Variants in TLR4 observed in about 807,000 individuals in gnomAD.
The protein encoded by TLR4 is toll like receptor 4, also known as toll-like receptor 4.
Under a neutral mutation model 27.4 loss-of-function variants are expected in TLR4, and 17 were observed. The ratio of observed to expected loss-of-function variants is 0.62; its 90% CI spans 0.42 to 0.93. The LOEUF (loss-of-function observed/expected upper bound fraction) is 0.93, where lower values mean the gene tolerates loss of function less well. TLR4 is among the 40% of genes least tolerant of loss of function. The probability of loss-of-function intolerance (pLI) is 0.00; values close to 1 mark genes in which losing one functional copy is unlikely to be tolerated. For synonymous variants in TLR4, 363 were observed against 365.7 expected (o/e 0.99, Z 0.08); for missense variants, 926 against 962.3 (o/e 0.96, Z 0.50).
At chr9:117,711,541 A>G (rs931600645) in intron 2 of TLR4, among the ~76,000 whole-genome samples, 1 of 152,140 alleles carries the variant, frequency 6.6e-6, no homozygotes, top group African/African-American at 2.4e-5. Flanking sequence ...CCACAACTCC[A>G]TATTGTACAC....
chr9:117,710,694 C>T (rs1453747026), intron 2 of TLR4, among the ~76,000 whole-genome samples: 1 of 152,020 alleles, frequency 6.6e-6, no homozygotes, highest in Non-Finnish European at 1.5e-5. Flanking sequence ...CTCAACTAGT[C>T]TTGTAAGAAT....
rs1184595819 is a variant in TLR4 at position 117,722,336 on chromosome 9, G to A, written c.*7688G>A. ...TTCCTTATCGTTGAGGGGAATTGGG[G>A]AAGTGATCACTGACGGTTGAAATTC... On this transcript the variant is annotated 3_prime_UTR_variant, in exon 3 of 3. Transcript: ENST00000355622. 1.3e-5 allele frequency: 2 copies of A among 152,148 alleles called. No homozygotes were observed. Among genetic ancestry groups the A allele is most frequent in the Non-Finnish European group, 1.5e-5 (1 of 68,040 alleles). The allele number at this position is 152,148 out of a possible 1,614,324, so 9.4% of individuals were successfully genotyped here.
Position 117,717,864 on chromosome 9 carries a change from T to A in TLR4, c.*3216T>A, listed in dbSNP as rs907530362. ...GAAATTCTAGAAATGGCAGGTGAGG[T>A]GGACAAGCAGGGAAAGAAATTATAT... is the stretch of plus-strand genomic sequence containing the variant. On this transcript the variant is annotated 3_prime_UTR_variant, in exon 3 of 3. Coordinates refer to ENST00000355622, the MANE Select transcript of TLR4 (RefSeq NM_138554.5). 4 of 151,952 alleles carry A rather than the reference T, an allele frequency of 2.6e-5. No individual in the cohort carries two copies. The highest frequency in any genetic ancestry group is 2.6e-4 in the Admixed American group (4 of 15,248). The allele number at this position is 151,952 out of a possible 1,614,324, so 9.4% of individuals were successfully genotyped here.
chr9:117,712,657 C>T lies in TLR4; in HGVS notation c.529C>T (p.Leu177=), dbSNP rs1334268501. ...TGAGTATTTTTCTAATCTGACCAAT[C>T]TAGAGCACTTGGACCTTTCCAGCAA... ...LPEYFSNLTN[L]EHLDLSSNKI... Residue 177 remains leucine (L), a synonymous_variant, in exon 3 of 3, where the codon CTA becomes TTA. Coordinates refer to ENST00000355622, the MANE Select transcript of TLR4 (RefSeq NM_138554.5). The T allele has an allele frequency of 1.9e-6, 3 of 1,613,532 alleles. No individual in the cohort carries two copies. In the African/African-American group the frequency reaches 4.0e-5, roughly 22 times the overall value.
In TLR4 at chr9:117,712,688, T is replaced by G. The variant is rs759469467; in HGVS notation, c.560T>G (p.Ile187Ser). 6.2e-7 allele frequency: 1 copy of G among 1,614,110 alleles called. No homozygotes were observed. Among genetic ancestry groups the G allele is most frequent in the Non-Finnish European group, 8.5e-7 (1 of 1,180,008 alleles). ...CACTTGGACCTTTCCAGCAACAAGATTCAAAGTATTTATTGCACAGACTTG... is the reference window on the plus strand; with the variant it reads ...CACTTGGACCTTTCCAGCAACAAGAGTCAAAGTATTTATTGCACAGACTTG... ...LEHLDLSSNK[I>S]QSIYCTDLRV... is the part of the protein sequence containing the mutation. The change falls in exon 3 of 3, where the codon ATT becomes AGT. Residue 187 changes from isoleucine (I) to serine (S), a missense_variant. Coordinates refer to ENST00000355622, the MANE Select transcript of TLR4 (RefSeq NM_138554.5).
At chr9:117,712,045 T>G (rs1015089447) in intron 2 of TLR4, among the ~76,000 whole-genome samples, 3 of 152,210 alleles carry the variant, frequency 2.0e-5, no homozygotes, top group Non-Finnish European at 4.4e-5. Flanking sequence ...ATGGCTAAAC[T>G]TGATCCAAGG....
At position 117,714,563 on chromosome 9, in the gene TLR4, G is replaced by T. The variant is rs1485409602; in HGVS notation, c.2435G>T (p.Arg812Ile). 6.2e-7 allele frequency: 1 copy of T among 1,613,924 alleles called. No individual in the cohort carries two copies. Among genetic ancestry groups the T allele is most frequent in the Admixed American group, 1.7e-5 (1 of 60,022 alleles). The change falls in exon 3 of 3, where the codon AGA (arginine) becomes ATA (isoleucine). Residue 812 changes from arginine (R) to isoleucine (I), a missense_variant. Transcript: ENST00000355622. ...LGRHIFWRRL[R>I]KALLDGKSWN... ...CGGCACATCTTCTGGAGACGACTCA[G>T]AAAAGCCCTGCTGGATGGTAAATCA...
chr9:117,722,829 T>C lies in TLR4; in HGVS notation c.*8181T>C, dbSNP rs375650266. On this transcript the variant is annotated 3_prime_UTR_variant, in exon 3 of 3. Coordinates refer to ENST00000355622, the MANE Select transcript of TLR4 (RefSeq NM_138554.5). ...TGATTTTATGTGGTTGACAGATGAA[T>C]GTATTACCTTTAGTGGTTATATGTT... 4.3e-4 allele frequency: 66 copies of C among 152,326 alleles called. No homozygotes were observed. The highest frequency in any genetic ancestry group is 1.5e-3 in the African/African-American group (64 of 41,566). 9.4% of individuals were successfully genotyped at this position (152,326 alleles called of 1,614,324 possible).
In TLR4 at chr9:117,714,015, G is replaced by T. The variant is rs764038757; in HGVS notation, c.1887G>T (p.Met629Ile). ...TGAGTTTGAATATCACCTGTCAGAT[G>T]AATAAGACCATCATTGGTGTGTCGG... is the stretch of plus-strand genomic sequence containing the variant. ...PVLSLNITCQ[M>I]NKTIIGVSVL... The change falls in exon 3 of 3, where the codon ATG becomes ATT. Residue 629 changes from methionine to isoleucine, a missense_variant. Met to Ile is a conservative substitution (Grantham distance 10). Transcript: ENST00000355622. 1.2e-5 allele frequency: 20 copies of T among 1,613,818 alleles called. No homozygotes were observed. Among genetic ancestry groups the T allele is most frequent in the African/African-American group, 5.3e-5 (4 of 74,918 alleles).
intron 2 of TLR4, among the ~76,000 whole-genome samples, chr9:117,709,528 T>C (rs1829195348): frequency 2.0e-5 from 3 of 152,266 alleles, no homozygotes; most frequent in Admixed American, 2.0e-4. Flanking sequence ...AGGTGAAATG[T>C]CATCTTGATA....
Position 117,713,315 on chromosome 9 carries a change from T to C in TLR4, c.1187T>C (p.Phe396Ser). ...AAAGGTTGCTGTTCTCAAAGTGATT[T>C]TGGGACAACCAGCCTAAAGTATTTA... is the stretch of plus-strand genomic sequence containing the variant. ...SFKGCCSQSDFGTTSLKYLDL... is the reference protein window; with the variant it reads ...SFKGCCSQSDSGTTSLKYLDL... Residue 396 changes from phenylalanine (F) to serine (S), a missense_variant, in exon 3 of 3, where the codon TTT (phenylalanine) becomes TCT (serine). By Grantham distance (155) the Phe-to-Ser change is radical. Coordinates refer to ENST00000355622, the MANE Select transcript of TLR4 (RefSeq NM_138554.5). 1 of 1,614,016 alleles carries C rather than the reference T, an allele frequency of 6.2e-7. No individual in the cohort carries two copies. The highest frequency in any genetic ancestry group is 8.5e-7 in the Non-Finnish European group (1 of 1,180,006).
chr9:117,710,944 C>T (rs573170222), intron 2 of TLR4, among the ~76,000 whole-genome samples: 1 of 152,268 alleles, frequency 6.6e-6, no homozygotes, highest in African/African-American at 2.4e-5. Flanking sequence ...AGAGACACAG[C>T]AAGACCCTTT....
rs975383786 is a variant in TLR4 at position 117,721,651 on chromosome 9, T to C, written c.*7003T>C. 6.6e-6 allele frequency: 1 copy of C among 152,242 alleles called. No homozygotes were observed. The highest frequency in any genetic ancestry group is 2.4e-5 in the African/African-American group (1 of 41,462). The allele number at this position is 152,242 out of a possible 1,614,324, so 9.4% of individuals were successfully genotyped here. A position where few individuals can be genotyped will look rare whatever the true frequency, so the allele number is the denominator to read the frequency against. ...AGGTACTAATTATCTATCTTTATGA[T>C]CTTTATTGCTAGAAATTCTGGTTCA... On this transcript the variant is annotated 3_prime_UTR_variant, in exon 3 of 3. Transcript: ENST00000355622.
rs966470022 is a variant in TLR4 at position 117,716,253 on chromosome 9, A to T, written c.*1605A>T. 1 of 152,150 alleles carries T rather than the reference A, an allele frequency of 6.6e-6. No homozygotes were observed. Among genetic ancestry groups the T allele is most frequent in the African/African-American group, 2.4e-5 (1 of 41,444 alleles). The allele number at this position is 152,150 out of a possible 1,614,324, so 9.4% of individuals were successfully genotyped here. On this transcript the variant is annotated 3_prime_UTR_variant, in exon 3 of 3. Transcript: ENST00000355622. ...ATCAGAATTTCAAGAAAATATTTAC[A>T]CTCCCATGTTCATTGTGGCACTCTT...
Position 117,714,718 on chromosome 9 carries a change from T to A in TLR4, c.*70T>A. On this transcript the variant is annotated 3_prime_UTR_variant, in exon 3 of 3. Transcript: ENST00000355622. ...GTCCAACACTTGTTCAGTTAATAAG[T>A]ATTAAATGCTGCCACATGTCAGGCC... is the stretch of plus-strand genomic sequence containing the variant. The A allele has an allele frequency of 7.5e-7, 1 of 1,331,466 alleles. No homozygotes were observed. Among genetic ancestry groups the A allele is most frequent in the Non-Finnish European group, 1.1e-6 (1 of 935,302 alleles). 82.5% of individuals were successfully genotyped at this position (1,331,466 alleles called of 1,614,324 possible).
chr9:117,705,747 A>G (rs984802425), intron 1 of TLR4, among the ~76,000 whole-genome samples: 1 of 152,054 alleles, frequency 6.6e-6, no homozygotes, highest in Non-Finnish European at 1.5e-5. Context: ...TTTGTTATGT[A>G]CTTGCATTTG....
chr9:117,719,208 T>A lies in TLR4; in HGVS notation c.*4560T>A, dbSNP rs1036648841. 12 of 152,138 alleles carry A rather than the reference T, an allele frequency of 7.9e-5. No homozygotes were observed. Among genetic ancestry groups the A allele is most frequent in the African/African-American group, 2.9e-4 (12 of 41,420 alleles). The allele number at this position is 152,138 out of a possible 1,614,324, so 9.4% of individuals were successfully genotyped here. A position where few individuals can be genotyped will look rare whatever the true frequency, so the allele number is the denominator to read the frequency against. On this transcript the variant is annotated 3_prime_UTR_variant, in exon 3 of 3. Coordinates refer to ENST00000355622, the MANE Select transcript of TLR4 (RefSeq NM_138554.5). ...AGTTACAATAGTTACATTTAATTGA[T>A]CAATTGTTTTATGCAAGGGCTTTAT...
At position 117,721,231 on chromosome 9, in the gene TLR4, C is replaced by G. The variant is rs1039669791; in HGVS notation, c.*6583C>G. 1 of 152,144 alleles carries G rather than the reference C, an allele frequency of 6.6e-6. No homozygotes were observed. Among genetic ancestry groups the G allele is most frequent in the Non-Finnish European group, 1.5e-5 (1 of 68,030 alleles). The allele number at this position is 152,144 out of a possible 1,614,324, so 9.4% of individuals were successfully genotyped here. ...TTAGGTACTTTCTCATCCCTTAACCCCTTCCCACCTTTCTGAGTCCTCAAT... is the reference window on the plus strand; with the variant it reads ...TTAGGTACTTTCTCATCCCTTAACCGCTTCCCACCTTTCTGAGTCCTCAAT... On this transcript the variant is annotated 3_prime_UTR_variant, in exon 3 of 3. Coordinates refer to ENST00000355622, the MANE Select transcript of TLR4 (RefSeq NM_138554.5).
rs1258672746 is a variant in TLR4, at chr9:117,716,712, T to C, written c.*2064T>C. The C allele has an allele frequency of 6.6e-6, 1 of 152,238 alleles. No homozygotes were observed. The highest frequency in any genetic ancestry group is 2.4e-5 in the African/African-American group (1 of 41,456). 9.4% of individuals were successfully genotyped at this position (152,238 alleles called of 1,614,324 possible). A position where few individuals can be genotyped will look rare whatever the true frequency, so the allele number is the denominator to read the frequency against. Reference sequence around the variant, plus strand: ...TAACATTTTGTTAAGAGGGTACCTCTCATGTTAAGTGTTCTTACCATATAC... The same window carrying C: ...TAACATTTTGTTAAGAGGGTACCTCCCATGTTAAGTGTTCTTACCATATAC... On this transcript the variant is annotated 3_prime_UTR_variant, in exon 3 of 3. Coordinates refer to ENST00000355622, the MANE Select transcript of TLR4 (RefSeq NM_138554.5).
Sources: gnomAD v4.1 joint callset for allele counts (sites outside exome capture counted in the v4.1 genomes callset) on GRCh38, gnomAD v4.1.1 for gene constraint, MANE v1.5 for transcripts, NCBI Gene and HGNC (gene_info 2026-07-23, HGNC 2026-07-21) for gene names.